Variants in EHBP1 observed in about 807,000 individuals in gnomAD.
EHBP1 encodes the protein EH domain-binding protein 1.
In EHBP1, 55 loss-of-function variants were observed where a neutral mutation model predicts 144.0. The ratio of observed to expected loss-of-function variants is 0.38; its 90% CI spans 0.31 to 0.48. The LOEUF (loss-of-function observed/expected upper bound fraction) is 0.48. Ranked by LOEUF, EHBP1 falls within the 20% of genes least tolerant of loss-of-function variation. EHBP1 has a pLI of 0.98. For missense variants in EHBP1, 1,200 were observed against 1,364.2 expected (o/e 0.88, Z 1.90); for synonymous variants, 469 against 472.7 (o/e 0.99, Z 0.10).
At chr2:62,973,090 C>T (rs1458166412) in intron 14 of EHBP1, among the ~76,000 whole-genome samples, 1 of 152,100 alleles carries the variant, frequency 6.6e-6, no homozygotes, top group Non-Finnish European at 1.5e-5. Context: ...TTAAATTGCA[C>T]TCTTGGTAAG....
At chr2:62,761,412 A>G (rs768528721) in intron 3 of EHBP1, among the ~76,000 whole-genome samples, 1 of 152,162 alleles carries the variant, frequency 6.6e-6, no homozygotes, top group African/African-American at 2.4e-5. Flanking sequence ...ACAATTCATA[A>G]GTTGGATTTG....
chr2:62,827,372 C>G (rs186330734), intron 6 of EHBP1, among the ~76,000 whole-genome samples: 3 of 152,082 alleles, frequency 2.0e-5, no homozygotes, highest in Admixed American at 2.0e-4. Flanking sequence ...AAGTTTAAGC[C>G]AAAACAAAAG....
intron 2 of EHBP1, among the ~76,000 whole-genome samples, chr2:62,721,931 A>T (rs1302418229): frequency 6.6e-6 from 1 of 152,148 alleles, no homozygotes; most frequent in Non-Finnish European, 1.5e-5. Flanking sequence ...AGACTTATAG[A>T]AAAGTTGCAA....
chr2:62,991,259 A>T (rs917992808), intron 16 of EHBP1, among the ~76,000 whole-genome samples: 19 of 151,878 alleles, frequency 1.3e-4, no homozygotes, highest in East Asian at 7.7e-4. Context: ...AAAAAAAAAA[A>T]AATTAATTAA....
At chr2:62,963,926 CTT>C (rs931514019) in intron 14 of EHBP1, among the ~76,000 whole-genome samples, 2 of 152,280 alleles carry the variant, frequency 1.3e-5, no homozygotes, top group Non-Finnish European at 2.9e-5. Context: ...CAGTGAGACA[CTT>C]TGAGTGTAGA....
At chr2:63,044,937 C>T in intron 21 of EHBP1, 129 bp from the exon 22 acceptor site, 2 of 660,410 alleles carry the variant, frequency 3.0e-6, no homozygotes, top group Non-Finnish European at 5.2e-6. Context: ...CCAGAAAACA[C>T]TAGCTAGTGG....
At chr2:62,914,399 C>G (rs1469434601) in intron 10 of EHBP1, among the ~76,000 whole-genome samples, 1 of 151,930 alleles carries the variant, frequency 6.6e-6, no homozygotes, top group Non-Finnish European at 1.5e-5. Context: ...TTCTGTGAAG[C>G]CAGTTCATTA....
At chr2:62,907,817 G>T (rs1006584991) in intron 10 of EHBP1, among the ~76,000 whole-genome samples, 4 of 152,142 alleles carry the variant, frequency 2.6e-5, no homozygotes, top group Admixed American at 1.3e-4. Context: ...GTCTGTCAGT[G>T]CCTTTTGCCC....
intron 5 of EHBP1, among the ~76,000 whole-genome samples, chr2:62,789,913 A>T (rs2043061538): frequency 6.6e-6 from 1 of 152,230 alleles, no homozygotes; most frequent in African/African-American, 2.4e-5. Context: ...CAGTTACCTA[A>T]AACTTACTTG....
intron 10 of EHBP1, among the ~76,000 whole-genome samples, chr2:62,882,226 TCAATCTCC>T (rs2152877784): frequency 6.6e-6 from 1 of 152,364 alleles, no homozygotes; most frequent in East Asian, 1.9e-4. Flanking sequence ...ATTCCATAAG[TCAATCTCC>T]AAGTGTTTGT....
At chr2:62,930,507 T>C (rs1186076035) in intron 10 of EHBP1, among the ~76,000 whole-genome samples, 1 of 152,200 alleles carries the variant, frequency 6.6e-6, no homozygotes, top group East Asian at 1.9e-4. Context: ...ATAATGTTTT[T>C]TGTAAAAATA....
intron 2 of EHBP1, among the ~76,000 whole-genome samples, chr2:62,731,953 TAAG>T (rs1430794559): frequency 6.6e-6 from 1 of 152,194 alleles, no homozygotes; most frequent in African/African-American, 2.4e-5. Context: ...GTTTCTCACT[TAAG>T]AAGGACAGTT....
intron 7 of EHBP1, among the ~76,000 whole-genome samples, chr2:62,844,317 C>T (rs2048139060): frequency 6.6e-6 from 1 of 152,156 alleles, no homozygotes; most frequent in South Asian, 2.1e-4. Flanking sequence ...TAAATAGATA[C>T]ATATCTGGGG....
intron 4 of EHBP1, among the ~76,000 whole-genome samples, chr2:62,770,295 T>C (rs1279300744): frequency 6.6e-6 from 1 of 152,040 alleles, no homozygotes; most frequent in Non-Finnish European, 1.5e-5. Flanking sequence ...ATCCAGCATC[T>C]CTAAGGAACT....
At chr2:62,875,563 A>G (rs1365893166) in intron 10 of EHBP1, among the ~76,000 whole-genome samples, 3 of 152,226 alleles carry the variant, frequency 2.0e-5, no homozygotes, top group Non-Finnish European at 4.4e-5. Context: ...TGCAAGAACA[A>G]TGGCAACTCA....
intron 3 of EHBP1, among the ~76,000 whole-genome samples, chr2:62,753,773 A>G (rs1002041265): frequency 1.3e-5 from 2 of 152,072 alleles, no homozygotes; most frequent in Non-Finnish European, 2.9e-5. Flanking sequence ...CCTTTCTTCC[A>G]GTTGATTGAA....
chr2:62,793,575 T>A (rs558730152), intron 5 of EHBP1, among the ~76,000 whole-genome samples: 1 of 152,184 alleles, frequency 6.6e-6, no homozygotes, highest in East Asian at 1.9e-4. Context: ...ACTAGGGGTG[T>A]GTGTGGTAAA....
At chr2:62,981,109 T>A (rs2058949165) in intron 15 of EHBP1, among the ~76,000 whole-genome samples, 1 of 151,732 alleles carries the variant, frequency 6.6e-6, no homozygotes, top group Non-Finnish European at 1.5e-5. Context: ...CATCTTCCCT[T>A]TTCGACTCCT....
intron 10 of EHBP1, among the ~76,000 whole-genome samples, chr2:62,884,107 G>T (rs1251174630): frequency 6.6e-6 from 1 of 152,140 alleles, no homozygotes; most frequent in East Asian, 1.9e-4. Flanking sequence ...ATATGCCTAT[G>T]CACATAGACA....
Sources: allele counts gnomAD v4.1 joint callset (sites outside exome capture counted in the v4.1 genomes callset), GRCh38; gene constraint gnomAD v4.1.1; transcripts MANE v1.5; gene names NCBI Gene and HGNC (gene_info 2026-07-23, HGNC 2026-07-21).